ARFGEF1: variants seen among roughly 807,000 people sequenced by gnomAD.
ARFGEF1 encodes the protein brefeldin A-inhibited guanine nucleotide-exchange protein 1.
In ARFGEF1, 42 loss-of-function variants were observed where a neutral mutation model predicts 231.0. That is an observed-to-expected ratio of 0.18 (90% CI 0.14 to 0.24). The LOEUF is 0.24. Ranked by LOEUF, ARFGEF1 falls within the 10% of genes least tolerant of loss-of-function variation. The probability of loss-of-function intolerance (pLI) is 1.00; values close to 1 mark genes in which losing one functional copy is unlikely to be tolerated. For synonymous variants in ARFGEF1, 710 were observed against 732.3 expected (o/e 0.97, Z 0.49); for missense variants, 1,345 against 2,192.0 (o/e 0.61, Z 7.72).
At chr8:67,288,145 T>C (rs1178119776) in intron 6 of ARFGEF1, 80 bp from the exon 7 acceptor site, 11 of 792,086 alleles carry the variant, frequency 1.4e-5, no homozygotes, top group Non-Finnish European at 2.1e-5. Flanking sequence ...ATGAAAAAAC[T>C]CCTAAATCAT....
At chr8:67,201,712 G>A in intron 36 of ARFGEF1, 107 bp from the exon 37 acceptor site, 1 of 1,458,018 alleles carries the variant, frequency 6.9e-7, no homozygotes, top group Non-Finnish European at 9.4e-7. Context: ...ATCAGCATCT[G>A]CTGCTTACAA....
chr8:67,236,133 A>C (rs1384671361), intron 22 of ARFGEF1, among the ~76,000 whole-genome samples: 1 of 150,274 alleles, frequency 6.7e-6, no homozygotes, highest in Non-Finnish European at 1.5e-5. Flanking sequence ...TGTCTCTACT[A>C]AAACAAACAA....
intron 6 of ARFGEF1, among the ~76,000 whole-genome samples, chr8:67,291,419 CTT>C (rs58068449): frequency 3.4e-5 from 5 of 145,570 alleles, no homozygotes; most frequent in Admixed American, 6.9e-5. Context: ...AATTTCAGTA[CTT>C]TTTTTTTTTT....
intron 19 of ARFGEF1, among the ~76,000 whole-genome samples, chr8:67,249,135 A>T (rs906842447): frequency 6.6e-6 from 1 of 150,432 alleles, no homozygotes; most frequent in African/African-American, 2.5e-5. Flanking sequence ...CTTATCTCGT[A>T]CATGTATATA....
intron 1 of ARFGEF1, among the ~76,000 whole-genome samples, chr8:67,337,104 G>A (rs1808379308): frequency 7.2e-6 from 1 of 139,582 alleles, no homozygotes; most frequent in African/African-American, 2.7e-5. Flanking sequence ...ACTCCAGCCT[G>A]TGTGACAGAG....
intron 9 of ARFGEF1, among the ~76,000 whole-genome samples, chr8:67,274,912 T>C (rs1430971147): frequency 1.3e-5 from 2 of 152,144 alleles, no homozygotes; most frequent in Admixed American, 1.3e-4. Flanking sequence ...TTTTTGAATG[T>C]TGATTTCTGA....
intron 30 of ARFGEF1, 68 bp from the exon 31 acceptor site, chr8:67,218,206 AAATATATATATATAT>A (rs1839014268): frequency 1.2e-5 from 2 of 173,486 alleles, no homozygotes; most frequent in Non-Finnish European, 1.8e-5. Flanking sequence ...AAAAAAAAAA[AAATATATATATATAT>A]ATATATATAT....
intron 5 of ARFGEF1, among the ~76,000 whole-genome samples, chr8:67,176,502 C>T (rs1831674965): frequency 6.6e-6 from 1 of 152,158 alleles, no homozygotes; most frequent in South Asian, 2.1e-4. Context: ...AGCCCTGTGA[C>T]AGAATAAGCC....
intron 5 of ARFGEF1, chr8:67,190,639 G>A: frequency 1.9e-6 from 3 of 1,603,384 alleles, no homozygotes; most frequent in Non-Finnish European, 2.6e-6. Flanking sequence ...TGCTTTTCGG[G>A]GTCCTCTTAG....
At chr8:67,267,503 T>G (rs564090339) in intron 10 of ARFGEF1, 61 bp from the exon 11 acceptor site, 2 of 1,112,082 alleles carry the variant, frequency 1.8e-6, no homozygotes, top group Non-Finnish European at 2.7e-6. Context: ...TGTGATCACT[T>G]TTTAAACATC....
At chr8:67,229,663 C>T (rs974307856) in intron 23 of ARFGEF1, among the ~76,000 whole-genome samples, 4 of 151,952 alleles carry the variant, frequency 2.6e-5, no homozygotes, top group Middle Eastern at 3.2e-3. Flanking sequence ...AGATATACAA[C>T]GTCTACAGAG....
intron 1 of ARFGEF1, among the ~76,000 whole-genome samples, 191 bp downstream of exon 1, chr8:67,342,973 T>C (rs1808715101): frequency 6.6e-6 from 1 of 152,094 alleles, no homozygotes; most frequent in African/African-American, 2.4e-5. Flanking sequence ...CTTCCTCCTC[T>C]ACCCCGCCTC....
chr8:67,264,914 C>G (rs866500551), intron 14 of ARFGEF1, among the ~76,000 whole-genome samples: 5 of 152,158 alleles, frequency 3.3e-5, no homozygotes, highest in African/African-American at 1.2e-4. Context: ...ATCTTGAATA[C>G]AAGGACCAAT....
chr8:67,315,428 T>C (rs1226655221), intron 1 of ARFGEF1, among the ~76,000 whole-genome samples: 1 of 152,148 alleles, frequency 6.6e-6, no homozygotes, highest in Non-Finnish European at 1.5e-5. Flanking sequence ...AATACTCCAC[T>C]CAGTAACAGA....
intron 5 of ARFGEF1, among the ~76,000 whole-genome samples, chr8:67,292,425 C>G (rs1319692240): frequency 6.6e-6 from 1 of 152,012 alleles, no homozygotes; most frequent in Non-Finnish European, 1.5e-5. Flanking sequence ...CTTATACATA[C>G]AGAAAGTCTA....
At chr8:67,218,905 G>A (rs1839050156) in intron 30 of ARFGEF1, among the ~76,000 whole-genome samples, 1 of 152,064 alleles carries the variant, frequency 6.6e-6, no homozygotes. Context: ...GAAAAAGTCA[G>A]AAAAACACTG....
chr8:67,225,078 CATACATTCAGT>C, intron 28 of ARFGEF1, 45 bp from the exon 29 acceptor site: 1 of 1,516,146 alleles, frequency 6.6e-7, no homozygotes, highest in Non-Finnish European at 8.9e-7. Flanking sequence ...ACATAACACC[CATACATTCAGT>C]ATACTAACTT....
chr8:67,281,725 C>A (rs1471636018), intron 7 of ARFGEF1, among the ~76,000 whole-genome samples: 6 of 151,924 alleles, frequency 3.9e-5, no homozygotes, highest in African/African-American at 1.2e-4. Flanking sequence ...AATATGAGTT[C>A]AGAAGGTGAC....
chr8:67,268,193 C>G (rs1804928144), intron 10 of ARFGEF1, among the ~76,000 whole-genome samples: 1 of 152,176 alleles, frequency 6.6e-6, no homozygotes, highest in Admixed American at 6.5e-5. Flanking sequence ...CTCCCCCTAA[C>G]TGGATTAGGT....
Sources: allele counts gnomAD v4.1 joint callset (sites outside exome capture counted in the v4.1 genomes callset), GRCh38; gene constraint gnomAD v4.1.1; transcripts MANE v1.5; gene names NCBI Gene and HGNC (gene_info 2026-07-23, HGNC 2026-07-21).